The following ATRN variants were observed in gnomAD, a reference collection of about 807,000 sequenced individuals.
ATRN encodes the protein attractin-2.
A neutral mutation model predicts 178.7 loss-of-function variants in ATRN; 54 were observed. The observed-to-expected ratio is 0.30, with a 90% CI of 0.24 to 0.38. The LOEUF is 0.38. Ranked by LOEUF, ATRN falls within the 10% of genes least tolerant of loss-of-function variation. ATRN has a pLI of 1.00. For synonymous variants in ATRN, 636 were observed against 663.0 expected (o/e 0.96, Z 0.63); for missense variants, 1,443 against 1,815.1 (o/e 0.79, Z 3.73).
chr20:3,615,515 A>G lies in ATRN; in HGVS notation c.3802-8996A>G, dbSNP rs116433812. ...TATAGTTTGAAACAAAGAAAGACACATGCTTTTAAGTACAGTTTAATTCTT... is the reference window on the plus strand; with the variant it reads ...TATAGTTTGAAACAAAGAAAGACACGTGCTTTTAAGTACAGTTTAATTCTT... On this transcript the variant is annotated intron_variant, in intron 24 of 28. Transcript: ENST00000262919. Among the ~76,000 whole-genome samples, 789 of 150,674 alleles carry G rather than the reference A, an allele frequency of 5.2e-3. 5 individuals are homozygous for G. Among genetic ancestry groups the G allele is most frequent in the African/African-American group, 0.018 (738 of 41,064 alleles).
chr20:3,478,855 ATTCT>A (rs1473114400), intron 1 of ATRN, among the ~76,000 whole-genome samples: 1 of 147,538 alleles, frequency 6.8e-6, no homozygotes, highest in Admixed American at 6.7e-5. Context: ...CTGCTCCCCC[ATTCT>A]TTCTTTTCAT....
chr20:3,506,266 A>G (rs1377952661), intron 1 of ATRN, among the ~76,000 whole-genome samples: 8 of 152,210 alleles, frequency 5.3e-5, no homozygotes, highest in Non-Finnish European at 7.3e-5. Context: ...TGAGTCTGCT[A>G]TTATCTCAAT....
chr20:3,492,282 G>T (rs1346067792), intron 1 of ATRN, among the ~76,000 whole-genome samples: 3 of 151,450 alleles, frequency 2.0e-5, no homozygotes, highest in African/African-American at 7.3e-5. Flanking sequence ...TGAGTGTCTG[G>T]GGGACCATGA....
At chr20:3,550,147 A>G (rs1259652141) in intron 6 of ATRN, among the ~76,000 whole-genome samples, 5 of 152,120 alleles carry the variant, frequency 3.3e-5, no homozygotes, top group African/African-American at 9.7e-5. Flanking sequence ...GGCCAACAGG[A>G]TAAAACCCCA....
rs564833419 is a variant in ATRN, at chr20:3,530,523, C to T, written c.411-4730C>T. ...CTCAAACTCCCGACCTCGTGATCCA[C>T]CCACCTCAGCCTCCCAAAGTGCTGG... On this transcript the variant is annotated intron_variant, in intron 1 of 28. Coordinates refer to ENST00000262919, the MANE Select transcript of ATRN (RefSeq NM_139321.3). Among the ~76,000 whole-genome samples, 8 of 151,644 alleles carry T rather than the reference C, an allele frequency of 5.3e-5. No individual in the cohort carries two copies. In the East Asian group the frequency reaches 1.5e-3, roughly 29 times the overall value.
chr20:3,591,034 A>G, intron 18 of ATRN, 135 bp from the exon 19 acceptor site: 2 of 929,184 alleles, frequency 2.2e-6, no homozygotes, highest in Non-Finnish European at 3.0e-6. Context: ...TTCTCAAATT[A>G]GTTTTTAGTG....
In ATRN at chr20:3,547,390, T is replaced by C. The variant is rs1328665506; in HGVS notation, c.844T>C (p.Cys282Arg). 6.2e-7 allele frequency: 1 copy of C among 1,613,884 alleles called. No individual in the cohort carries two copies. The highest frequency in any genetic ancestry group is 1.7e-5 in the Admixed American group (1 of 60,008). The change falls in exon 5 of 29, where the codon TGT becomes CGT. Residue 282 changes from cysteine to arginine, a missense_variant. Coordinates refer to ENST00000262919, the MANE Select transcript of ATRN (RefSeq NM_139321.3). Reference protein sequence around the residue: ...ECSENWKGEACDIPHCTDNCG... With the variant: ...ECSENWKGEARDIPHCTDNCG... ...TTCTGAAAACTGGAAAGGTGAAGCA[T>C]GTGACATTCCTCACTGTACAGACAA...
rs1175203810 is a variant in ATRN at position 3,489,535 on chromosome 20, C to T, written c.410+18018C>T. ...TGAGCTACATCCCTGAGCACTAGAG[C>T]AGTCCTTGTCTTTTCAGATCCTCAT... On this transcript the variant is annotated intron_variant, in intron 1 of 28. Coordinates refer to ENST00000262919, the MANE Select transcript of ATRN (RefSeq NM_139321.3). 4 of 1,441,876 alleles carry T rather than the reference C, an allele frequency of 2.8e-6. No individual in the cohort carries two copies. In the African/African-American group the frequency reaches 4.2e-5, roughly 15 times the overall value. The allele number at this position is 1,441,876 out of a possible 1,614,324, so 89.3% of individuals were successfully genotyped here.
chr20:3,601,771 AGAGGATCACTT>A (rs1320462585), intron 23 of ATRN, among the ~76,000 whole-genome samples: 3 of 147,650 alleles, frequency 2.0e-5, no homozygotes, highest in African/African-American at 7.5e-5. Flanking sequence ...GGCTGAGATG[AGAGGATCACTT>A]GAGCCCAGGG....
chr20:3,489,305 A>G (rs766647129), intron 1 of ATRN, among the ~76,000 whole-genome samples: 2 of 152,044 alleles, frequency 1.3e-5, no homozygotes, highest in Non-Finnish European at 2.9e-5. Flanking sequence ...TTTTTTTTGA[A>G]CAAGGTCTGG....
At chr20:3,530,014 C>T (rs1017422007) in intron 1 of ATRN, among the ~76,000 whole-genome samples, 13 of 151,600 alleles carry the variant, frequency 8.6e-5, no homozygotes, top group Middle Eastern at 3.4e-3. Context: ...ATGTAAGATA[C>T]AGGAAAATAA....
chr20:3,587,606 A>G (rs894027655), intron 18 of ATRN, among the ~76,000 whole-genome samples: 1 of 151,958 alleles, frequency 6.6e-6, no homozygotes, highest in Non-Finnish European at 1.5e-5. Flanking sequence ...TTTTGCCAAT[A>G]TTACACTGTT....
intron 14 of ATRN, among the ~76,000 whole-genome samples, chr20:3,577,504 A>T (rs535119969): frequency 6.6e-6 from 1 of 152,254 alleles, no homozygotes; most frequent in East Asian, 1.9e-4. Context: ...GTTCAGGATG[A>T]TGAACTCAGG....
intron 1 of ATRN, among the ~76,000 whole-genome samples, chr20:3,507,703 T>A (rs2085066130): frequency 6.7e-6 from 1 of 148,344 alleles, no homozygotes; most frequent in Non-Finnish European, 1.5e-5. Flanking sequence ...TATTTTTTTT[T>A]TTTTTTTTTT....
chr20:3,492,168 AGTGT>A (rs58489496), intron 1 of ATRN, among the ~76,000 whole-genome samples: 7,307 of 140,632 alleles, frequency 0.052, 534 homozygotes, highest in African/African-American at 0.17. Flanking sequence ...TAGATAGGGG[AGTGT>A]GTGTGTGTGT....
chr20:3,547,674 A>G (rs1406685858), intron 5 of ATRN, among the ~76,000 whole-genome samples, 185 bp downstream of exon 5: 8 of 152,144 alleles, frequency 5.3e-5, no homozygotes, highest in South Asian at 4.1e-4. Context: ...ATGTGTGGTC[A>G]TGGTCTTTAG....
At chr20:3,599,982 A>G (rs2086586923) in intron 22 of ATRN, among the ~76,000 whole-genome samples, 1 of 152,246 alleles carries the variant, frequency 6.6e-6, no homozygotes. Context: ...GATCAAAACA[A>G]CACCCTTAAA....
chr20:3,475,335 C>T (rs915784795), intron 1 of ATRN, among the ~76,000 whole-genome samples: 2 of 152,064 alleles, frequency 1.3e-5, no homozygotes, highest in African/African-American at 4.8e-5. Context: ...GACTATGTGC[C>T]ACAGAGCATT....
At chr20:3,597,064 A>ATC (rs1191784131) in intron 21 of ATRN, among the ~76,000 whole-genome samples, 2 of 132,040 alleles carry the variant, frequency 1.5e-5, no homozygotes, top group African/African-American at 5.6e-5. Flanking sequence ...GACTTCATAT[A>ATC]TATATATATA....
Sources: allele counts gnomAD v4.1 joint callset (sites outside exome capture counted in the v4.1 genomes callset), GRCh38; gene constraint gnomAD v4.1.1; transcripts MANE v1.5; gene names NCBI Gene and HGNC (gene_info 2026-07-23, HGNC 2026-07-21).